DNER: variants seen among roughly 807,000 people sequenced by gnomAD.
DNER encodes the protein delta and Notch-like epidermal growth factor-related receptor.
A neutral mutation model predicts 78.2 loss-of-function variants in DNER; 33 were observed. The observed-to-expected ratio is 0.42, with a 90% confidence interval of 0.32 to 0.56. The LOEUF (loss-of-function observed/expected upper bound fraction) is 0.56, where lower values mean the gene tolerates loss of function less well. DNER is among the 20% of genes least tolerant of loss of function. DNER has a pLI of 0.11. For synonymous variants in DNER, 417 were observed against 384.8 expected (o/e 1.08, Z -0.98); for missense variants, 918 against 975.3 (o/e 0.94, Z 0.78).
At chr2:229,507,872 A>C (rs1695777128) in intron 6 of DNER, among the ~76,000 whole-genome samples, 3 of 152,240 alleles carry the variant, frequency 2.0e-5, no homozygotes, top group Admixed American at 1.3e-4. Flanking sequence ...TAAATGTATT[A>C]ACCAGAAAAG....
At chr2:229,589,618 T>C (rs1697564047) in intron 2 of DNER, among the ~76,000 whole-genome samples, 1 of 152,200 alleles carries the variant, frequency 6.6e-6, no homozygotes, top group Non-Finnish European at 1.5e-5. Flanking sequence ...GATGAGGCAT[T>C]TCCTTTTTTT....
At chr2:229,446,489 G>A (rs991532270) in intron 8 of DNER, among the ~76,000 whole-genome samples, 1 of 152,150 alleles carries the variant, frequency 6.6e-6, no homozygotes, top group Non-Finnish European at 1.5e-5. Context: ...GCAAAGCCAG[G>A]GTCAAGCCAA....
At chr2:229,436,396 C>T (rs112113753) in intron 8 of DNER, among the ~76,000 whole-genome samples, 16 of 152,174 alleles carry the variant, frequency 1.1e-4, no homozygotes, top group Non-Finnish European at 1.5e-4. Context: ...TTGTGAATAG[C>T]GCTGTGATGA....
At chr2:229,613,674 T>C (rs571212594) in intron 1 of DNER, among the ~76,000 whole-genome samples, 1 of 152,232 alleles carries the variant, frequency 6.6e-6, no homozygotes, top group African/African-American at 2.4e-5. Context: ...TGGGTATTTT[T>C]TTTTTCTTTA....
chr2:229,689,106 TAACA>T (rs1010946341), intron 1 of DNER, among the ~76,000 whole-genome samples: 48 of 152,364 alleles, frequency 3.2e-4, no homozygotes, highest in African/African-American at 1.2e-3. Context: ...TTTACCTATG[TAACA>T]AACCTGCACA....
At chr2:229,713,630 C>T (rs141131048) in intron 1 of DNER, among the ~76,000 whole-genome samples, 3 of 152,244 alleles carry the variant, frequency 2.0e-5, no homozygotes, top group Admixed American at 2.0e-4. Context: ...CCCTCAAGGG[C>T]GTAGGAAGAG....
At chr2:229,588,343 T>G (rs1326282006) in intron 3 of DNER, 51 bp downstream of exon 3, 6 of 1,572,858 alleles carry the variant, frequency 3.8e-6, no homozygotes, top group Non-Finnish European at 5.2e-6. Flanking sequence ...ACAACCCCAC[T>G]TATAGGTCAT....
intron 8 of DNER, among the ~76,000 whole-genome samples, chr2:229,432,472 CAA>C (rs1265836408): frequency 1.3e-5 from 2 of 152,124 alleles, no homozygotes; most frequent in Non-Finnish European, 2.9e-5. Flanking sequence ...TGCATACTAA[CAA>C]AGAGAAATTT....
At chr2:229,635,946 TA>T (rs1348362960) in intron 1 of DNER, among the ~76,000 whole-genome samples, 1 of 151,536 alleles carries the variant, frequency 6.6e-6, no homozygotes, top group African/African-American at 2.4e-5. Context: ...ATATTATATA[TA>T]TTTTTTATAT....
chr2:229,630,402 G>A (rs1322831220), intron 1 of DNER, among the ~76,000 whole-genome samples: 1 of 151,684 alleles, frequency 6.6e-6, no homozygotes, highest in Non-Finnish European at 1.5e-5. Flanking sequence ...CTTGAACCCG[G>A]AAGGCAGAGG....
intron 5 of DNER, among the ~76,000 whole-genome samples, chr2:229,529,160 C>T (rs1696258824): frequency 6.6e-6 from 1 of 152,156 alleles, no homozygotes; most frequent in Non-Finnish European, 1.5e-5. Context: ...GCAAGTCTAC[C>T]TGCTGCTTTT....
chr2:229,391,215 T>C (rs965407664), intron 10 of DNER, among the ~76,000 whole-genome samples: 4 of 152,270 alleles, frequency 2.6e-5, no homozygotes, highest in Non-Finnish European at 5.9e-5. Flanking sequence ...ATTAACGGCA[T>C]TATGTTTGTA....
intron 1 of DNER, among the ~76,000 whole-genome samples, chr2:229,640,835 G>C (rs1040320900): frequency 6.6e-6 from 1 of 152,176 alleles, no homozygotes; most frequent in African/African-American, 2.4e-5. Flanking sequence ...CAGAACTCCA[G>C]GGTTTTGGAT....
At chr2:229,672,469 G>A (rs1699226201) in intron 1 of DNER, among the ~76,000 whole-genome samples, 3 of 151,426 alleles carry the variant, frequency 2.0e-5, no homozygotes, top group Admixed American at 1.3e-4. Context: ...AAGAAAGGGA[G>A]GGATGGAGAG....
At chr2:229,493,035 G>T (rs996548452) in intron 6 of DNER, among the ~76,000 whole-genome samples, 2 of 152,066 alleles carry the variant, frequency 1.3e-5, no homozygotes, top group Non-Finnish European at 2.9e-5. Context: ...GGTGAAAAAG[G>T]CTGGGTTTGG....
chr2:229,548,893 T>C (rs1428706667), intron 4 of DNER, among the ~76,000 whole-genome samples: 6 of 152,178 alleles, frequency 3.9e-5, no homozygotes, highest in Non-Finnish European at 8.8e-5. Flanking sequence ...CTTTACCCGA[T>C]TTTAAATTAT....
chr2:229,569,296 C>T (rs1042101900), intron 4 of DNER, among the ~76,000 whole-genome samples: 3 of 152,066 alleles, frequency 2.0e-5, no homozygotes, highest in African/African-American at 7.2e-5. Context: ...GCAAGGTGGG[C>T]GGATCACTTG....
chr2:229,599,505 A>G (rs1697787900), intron 1 of DNER, among the ~76,000 whole-genome samples: 1 of 152,204 alleles, frequency 6.6e-6, no homozygotes, highest in African/African-American at 2.4e-5. Context: ...GTCCTTACTC[A>G]CTAAATGCCA....
Position 229,714,206 on chromosome 2 carries a change from G to T in DNER, c.218C>A (p.Ala73Asp). The change falls in exon 1 of 13, where the codon GCC becomes GAC. Residue 73 changes from alanine to aspartate, a missense_variant. Transcript: ENST00000341772. ...PEPDPQHPAP[A>D]GEPGYSCTCP... ...GGTGCAGCTGTAGCCAGGCTCGCCGGCGGGGGCCGGGTGCTGCGGGTCCGG... is the reference window on the plus strand; with the variant it reads ...GGTGCAGCTGTAGCCAGGCTCGCCGTCGGGGGCCGGGTGCTGCGGGTCCGG... 1 of 1,384,236 alleles carries T rather than the reference G, an allele frequency of 7.2e-7. No homozygotes were observed. The highest frequency in any genetic ancestry group is 9.3e-7 in the Non-Finnish European group (1 of 1,072,522). The allele number at this position is 1,384,236 out of a possible 1,614,324, so 85.7% of individuals were successfully genotyped here. A position where few individuals can be genotyped will look rare whatever the true frequency, so the allele number is the denominator to read the frequency against.
Sources: allele counts gnomAD v4.1 joint callset (sites outside exome capture counted in the v4.1 genomes callset), GRCh38; gene constraint gnomAD v4.1.1; transcripts MANE v1.5; gene names NCBI Gene and HGNC (gene_info 2026-07-23, HGNC 2026-07-21).